Variants in DNAH17 observed in about 807,000 individuals in gnomAD.
DNAH17 encodes dynein axonemal heavy chain 17.
In DNAH17, 376 loss-of-function variants were observed where a neutral mutation model predicts 485.6. That is an observed-to-expected ratio of 0.77 (90% CI 0.71 to 0.84). The LOEUF is 0.84. Among genes scored for constraint, DNAH17 ranks in the 40% least tolerant of loss-of-function variants. DNAH17 has a pLI of 0.00. For missense variants in DNAH17, 6,370 were observed against 5,839.3 expected, an observed-to-expected ratio of 1.09 and a Z score of -2.96; for synonymous variants, 3,031 against 2,405.9, an observed-to-expected ratio of 1.26 and a Z score of -7.60.
intron 41 of DNAH17, 21 bp from the exon 42 acceptor site, chr17:78,492,786 T>A: frequency 6.2e-7 from 1 of 1,605,174 alleles, no homozygotes; most frequent in Non-Finnish European, 8.5e-7. Flanking sequence ...TGGGGGTCAC[T>A]CACGTGTGAC....
chr17:78,500,322 C>T lies in DNAH17; in HGVS notation c.5623G>A (p.Glu1875Lys), dbSNP rs376441308. 4.8e-5 allele frequency: 78 copies of T among 1,611,966 alleles called. 1 individual carries two copies. Among genetic ancestry groups the T allele is most frequent in the Admixed American group, 2.5e-4 (15 of 59,714 alleles). Reference sequence around the variant, plus strand: ...CCGCGTACCTTGTAGTCCATCTGCTCGGAGCAGTTGAAGACGTAGACCATG... The same window carrying T: ...CCGCGTACCTTGTAGTCCATCTGCTTGGAGCAGTTGAAGACGTAGACCATG... ...GTMVYVFNCS[E>K]QMDYKSCGNI... The change falls in exon 36 of 81, where the codon GAG (glutamate) becomes AAG (lysine). Residue 1875 changes from glutamate (E) to lysine (K), a missense_variant. Glu to Lys is a moderately conservative substitution (Grantham distance 56). Transcript: ENST00000389840.
At chr17:78,431,638 G>A (rs539095085) in intron 75 of DNAH17, among the ~76,000 whole-genome samples, 11 of 152,230 alleles carry the variant, frequency 7.2e-5, no homozygotes, top group East Asian at 3.9e-4. Flanking sequence ...CATCATTCCC[G>A]GTGGTCACTC....
chr17:78,553,301 T>TTG (rs2091948765), intron 14 of DNAH17, among the ~76,000 whole-genome samples: 1 of 72,656 alleles, frequency 1.4e-5, no homozygotes, highest in African/African-American at 5.7e-5. Context: ...TTTTTTTTTT[T>TTG]TTTTTTTTTT....
At position 78,428,664 on chromosome 17, in the gene DNAH17, G is replaced by A; in HGVS notation, c.12449C>T (p.Pro4150Leu). The A allele has an allele frequency of 6.2e-7, 1 of 1,613,938 alleles. No individual in the cohort carries two copies. Residue 4150 changes from proline to leucine, a missense_variant, in exon 77 of 81, where the codon CCC (proline) becomes CTC (leucine). By Grantham distance (98) the Pro-to-Leu change is moderately conservative. Coordinates refer to ENST00000389840, the MANE Select transcript of DNAH17 (RefSeq NM_173628.4). ...YIDENLPPESPYLYGLHPNAE... is the reference protein window; with the variant it reads ...YIDENLPPESLYLYGLHPNAE... Reference sequence around the variant, plus strand: ...GTTGGGGTGCAGGCCATACAGATAGGGACTCTCAGGGGGCAGGTTCTCATC... The same window carrying A: ...GTTGGGGTGCAGGCCATACAGATAGAGACTCTCAGGGGGCAGGTTCTCATC...
At chr17:78,530,156 T>A (rs2091191698) in intron 21 of DNAH17, among the ~76,000 whole-genome samples, 187 bp downstream of exon 21, 1 of 152,202 alleles carries the variant, frequency 6.6e-6, no homozygotes, top group African/African-American at 2.4e-5. Context: ...GAAGGGATAA[T>A]GTTTGCTCGC....
Position 78,566,591 on chromosome 17 carries a change from C to T in DNAH17, c.1569+23G>A, listed in dbSNP as rs368334056. 85 of 1,528,906 alleles carry T rather than the reference C, an allele frequency of 5.6e-5. 1 individual carries two copies. The African/African-American group carries it at 8.7e-4, about 16-fold the overall frequency. The allele number at this position is 1,528,906 out of a possible 1,614,324, so 94.7% of individuals were successfully genotyped here. ...CCACAGTGCCAGGCTCCAGATCTGC[C>T]TGCGTCTCCACTGCATGCTTACCTT... is the stretch of plus-strand genomic sequence containing the variant. On this transcript the variant is annotated intron_variant, in intron 11 of 80. Transcript: ENST00000389840.
intron 56 of DNAH17, among the ~76,000 whole-genome samples, chr17:78,464,792 T>C (rs1161568504): frequency 1.3e-5 from 2 of 152,234 alleles, no homozygotes; most frequent in Non-Finnish European, 2.9e-5. Flanking sequence ...GCGCCGGGGC[T>C]GATTGGAAAC....
Position 78,561,792 on chromosome 17 carries a change from G to T in DNAH17, c.1758C>A (p.Ala586=). 1 of 1,613,604 alleles carries T rather than the reference G, an allele frequency of 6.2e-7. No homozygotes were observed. The highest frequency in any genetic ancestry group is 2.2e-5 in the East Asian group (1 of 44,880). ...PLIHKNMPPV[A]GQLKWSLELQ... ...GCTCCAGGCTCCATTTGAGCTGCCC[G>T]GCCACGGGAGGCATGTTTTTGTGGA... Residue 586 remains alanine, a synonymous_variant, in exon 12 of 81, where the codon GCC becomes GCA. Transcript: ENST00000389840.
rs570931812 is a variant in DNAH17 at position 78,443,535 on chromosome 17, G to A, written c.11528+1069C>T. 3.0e-4 allele frequency among the ~76,000 whole-genome samples: 35 copies of A among 118,584 alleles called. No homozygotes were observed. The South Asian group carries it at 5.3e-3, about 18-fold the overall frequency. 77.8% of individuals were successfully genotyped at this position (118,584 alleles called of 152,430 possible). ...TGGGAGTTAGGCCTCTGCTTTGTCAGAAGGGAATTCTTTTTATTTTTATTT... is the reference window on the plus strand; with the variant it reads ...TGGGAGTTAGGCCTCTGCTTTGTCAAAAGGGAATTCTTTTTATTTTTATTT... On this transcript the variant is annotated intron_variant, in intron 71 of 80. Coordinates refer to ENST00000389840, the MANE Select transcript of DNAH17 (RefSeq NM_173628.4).
rs967666308 is a variant in DNAH17 at position 78,426,967 on chromosome 17, C to G, written c.12730G>C (p.Glu4244Gln). The G allele has an allele frequency of 2.5e-6, 4 of 1,610,622 alleles. No individual in the cohort carries two copies. In the East Asian group the frequency reaches 8.9e-5, roughly 36 times the overall value. The stretch of plus-strand genomic sequence containing the variant: ...AGCTCCTTGAGCGAACGGCGCATTT[C>G]GTTGGTCAGGATGTTCATTCTTTCA... Reference protein sequence around the residue: ...ECERMNILTNEMRRSLKELNL... With the variant: ...ECERMNILTNQMRRSLKELNL... Residue 4244 changes from glutamate (E) to glutamine (Q), a missense_variant, in exon 78 of 81, where the codon GAA becomes CAA. Glu to Gln is a conservative substitution (Grantham distance 29). Transcript: ENST00000389840.
chr17:78,461,486 A>G (rs2146534706), intron 58 of DNAH17, 58 bp downstream of exon 58: 1 of 1,446,724 alleles, frequency 6.9e-7, no homozygotes. Flanking sequence ...GTGGAAGCCC[A>G]GGAGGCCTGG....
chr17:78,504,009 AC>A (rs1168152995), intron 31 of DNAH17, among the ~76,000 whole-genome samples: 1 of 150,542 alleles, frequency 6.6e-6, no homozygotes, highest in African/African-American at 2.4e-5. Flanking sequence ...CAAAAAAAAA[AC>A]CATACTCACA....
chr17:78,455,432 T>C (rs557759790), intron 63 of DNAH17, among the ~76,000 whole-genome samples: 1 of 151,350 alleles, frequency 6.6e-6, no homozygotes, highest in African/African-American at 2.4e-5. Flanking sequence ...TTCAAGTGAT[T>C]CTCCTGCCTC....
At chr17:78,427,239 C>G (rs1452951767) in intron 77 of DNAH17, 131 bp from the exon 78 acceptor site, 3 of 885,110 alleles carry the variant, frequency 3.4e-6, no homozygotes, top group Non-Finnish European at 5.2e-6. Flanking sequence ...AGTAGAGTTG[C>G]CAGAAATGCA....
intron 19 of DNAH17, among the ~76,000 whole-genome samples, chr17:78,535,021 C>G (rs570666168): frequency 1.3e-5 from 2 of 152,166 alleles, no homozygotes; most frequent in Non-Finnish European, 2.9e-5. Context: ...AGGTAAGACT[C>G]TGCTAGACCA....
At position 78,560,834 on chromosome 17, in the gene DNAH17, G is replaced by A. The variant is rs145608795; in HGVS notation, c.1937C>T (p.Ala646Val). 24 of 1,551,594 alleles carry A rather than the reference G, an allele frequency of 1.5e-5. No individual in the cohort carries two copies. The highest frequency in any genetic ancestry group is 9.6e-5 in the African/African-American group (7 of 73,006). Residue 646 changes from alanine (A) to valine (V), a missense_variant, in exon 13 of 81, where the codon GCG becomes GTG. Physicochemically the swap from Ala to Val is moderately conservative, Grantham distance 64. Transcript: ENST00000389840. ...HREKIYQQWV[A>V]GVDQDCHFNL... Reference sequence around the variant, plus strand: ...AAAGTGGCAGTCCTGGTCCACGCCCGCCACCCACTGCTGGTAGATCTTCTC... The same window carrying A: ...AAAGTGGCAGTCCTGGTCCACGCCCACCACCCACTGCTGGTAGATCTTCTC...
At chr17:78,554,436 CAAAAAAAAAAAAAAAAAAA>C (rs55701739) in intron 14 of DNAH17, among the ~76,000 whole-genome samples, 2 of 32,238 alleles carry the variant, frequency 6.2e-5, no homozygotes, top group Non-Finnish European at 1.1e-4. Flanking sequence ...GACTCTGTCT[CAAAAAAAAAAAAAAAAAAA>C]AAAAAAAAAA....
intron 25 of DNAH17, among the ~76,000 whole-genome samples, chr17:78,524,521 G>C (rs2091013127): frequency 6.6e-6 from 1 of 152,160 alleles, no homozygotes; most frequent in Non-Finnish European, 1.5e-5. Flanking sequence ...GATGCAGTGA[G>C]AGGGGACTGT....
Position 78,574,887 on chromosome 17 carries a change from A to G in DNAH17, c.171T>C (p.Asn57=). The G allele has an allele frequency of 1.2e-6, 2 of 1,614,012 alleles. No homozygotes were observed. The highest frequency in any genetic ancestry group is 1.7e-6 in the Non-Finnish European group (2 of 1,179,900). The change falls in exon 2 of 81, where the codon AAT becomes AAC. Residue 57 remains asparagine, a synonymous_variant. Coordinates refer to ENST00000389840, the MANE Select transcript of DNAH17 (RefSeq NM_173628.4). ...PDVQVLVLTL[N]AAGMIIPCLG... ...GGCAGGGTATGATCATGCCGGCTGC[A>G]TTGAGCGTCAGCACCAGCACCTGGA...
Sources: gnomAD v4.1 joint callset for allele counts (sites outside exome capture counted in the v4.1 genomes callset) on GRCh38, gnomAD v4.1.1 for gene constraint, MANE v1.5 for transcripts, NCBI Gene and HGNC (gene_info 2026-07-23, HGNC 2026-07-21) for gene names.